The following CTNNA3 variants were observed in gnomAD, a reference collection of about 807,000 sequenced individuals.
CTNNA3 encodes catenin alpha-3.
In CTNNA3, 76 loss-of-function variants were observed where a neutral mutation model predicts 95.7. The observed-to-expected ratio is 0.79, with a 90% CI of 0.66 to 0.96. The LOEUF is 0.96. Ranked by LOEUF, CTNNA3 falls within the 40% of genes least tolerant of loss-of-function variation. The pLI is 0.00. For synonymous variants in CTNNA3, 431 were observed against 374.4 expected (o/e 1.15, Z -1.74); for missense variants, 1,191 against 1,089.8 (o/e 1.09, Z -1.31).
intron 13 of CTNNA3, among the ~76,000 whole-genome samples, chr10:66,134,304 A>G (rs1351187492): frequency 6.6e-6 from 1 of 152,168 alleles, no homozygotes; most frequent in Non-Finnish European, 1.5e-5. Flanking sequence ...CTGTGGAGAA[A>G]TAGCACTTTC....
intron 7 of CTNNA3, chr10:66,926,287 A>T: frequency 2.7e-6 from 1 of 374,108 alleles, no homozygotes. Context: ...CCCCCTCCCC[A>T]CCCCCCAAAA....
At chr10:66,933,410 T>C (rs143522070) in intron 7 of CTNNA3, among the ~76,000 whole-genome samples, 2 of 152,340 alleles carry the variant, frequency 1.3e-5, no homozygotes, top group African/African-American at 4.8e-5. Flanking sequence ...CAGGCAACTA[T>C]AGCAAGGGCT....
chr10:66,037,813 C>G lies in CTNNA3; in HGVS notation c.2159+31495G>C, dbSNP rs150256846. ...CGTGTTGTTACTGCTGCTAGAAAAG[C>G]TATTTCTCTAGTTTTCAGCTGGACT... is the stretch of plus-strand genomic sequence containing the variant. On this transcript the variant is annotated intron_variant, in intron 15 of 17. Coordinates refer to ENST00000433211, the MANE Select transcript of CTNNA3 (RefSeq NM_013266.4). Among the ~76,000 whole-genome samples, 248 of 152,246 alleles carry G rather than the reference C, an allele frequency of 1.6e-3. 1 individual carries two copies. Among genetic ancestry groups the G allele is most frequent in the African/African-American group, 5.5e-3 (229 of 41,548 alleles).
chr10:65,981,996 T>C (rs1311296268), intron 16 of CTNNA3, among the ~76,000 whole-genome samples: 8 of 151,772 alleles, frequency 5.3e-5, no homozygotes, highest in African/African-American at 1.9e-4. Context: ...GATAAATAGA[T>C]GGTACTTAAT....
Position 66,906,505 on chromosome 10 carries a change from A to C in CTNNA3, c.1048-130981T>G, listed in dbSNP as rs373429731. Among the ~76,000 whole-genome samples, 64 of 152,282 alleles carry C rather than the reference A, an allele frequency of 4.2e-4. 2 individuals are homozygous for C. In the South Asian group the frequency reaches 0.013, roughly 31 times the overall value. Reference sequence around the variant, plus strand: ...AAGTCTATCTTCAAAAGTATCTTCAAAGGTCCACTTCAGAGTGTCTTTTGG... The same window carrying C: ...AAGTCTATCTTCAAAAGTATCTTCACAGGTCCACTTCAGAGTGTCTTTTGG... On this transcript the variant is annotated intron_variant, in intron 7 of 17. Transcript: ENST00000433211.
chr10:66,118,943 C>G (rs978787859), intron 13 of CTNNA3, among the ~76,000 whole-genome samples: 8 of 152,048 alleles, frequency 5.3e-5, no homozygotes, highest in African/African-American at 1.9e-4. Context: ...CAGGGTCTCC[C>G]TATGTTGCTC....
At chr10:66,639,759 A>G (rs1228765999) in intron 9 of CTNNA3, among the ~76,000 whole-genome samples, 1 of 152,166 alleles carries the variant, frequency 6.6e-6, no homozygotes, top group Non-Finnish European at 1.5e-5. Context: ...TGTAACAAGA[A>G]TCATTCTAAT....
At chr10:67,605,472 A>G (rs1843237469) in intron 3 of CTNNA3, among the ~76,000 whole-genome samples, 2 of 152,284 alleles carry the variant, frequency 1.3e-5, no homozygotes, top group South Asian at 4.1e-4. Flanking sequence ...TATAGTTAAT[A>G]ATGCTGTATT....
chr10:67,271,040 A>G (rs1292586634), intron 5 of CTNNA3, among the ~76,000 whole-genome samples: 3 of 152,176 alleles, frequency 2.0e-5, no homozygotes, highest in Admixed American at 6.5e-5. Context: ...TGTAATTCCA[A>G]TATTATAAAA....
chr10:66,081,138 A>C (rs1350872563), intron 14 of CTNNA3, among the ~76,000 whole-genome samples: 2 of 152,172 alleles, frequency 1.3e-5, no homozygotes, highest in Non-Finnish European at 2.9e-5. Flanking sequence ...TGAACCTGAG[A>C]TCTAGGGCAA....
At chr10:66,160,243 T>A (rs937749450) in intron 13 of CTNNA3, among the ~76,000 whole-genome samples, 1 of 152,070 alleles carries the variant, frequency 6.6e-6, no homozygotes, top group African/African-American at 2.4e-5. Context: ...TGTTCTTGTT[T>A]CTCTAGTTCC....
At chr10:66,899,332 A>G (rs1268601823) in intron 7 of CTNNA3, among the ~76,000 whole-genome samples, 1 of 152,200 alleles carries the variant, frequency 6.6e-6, no homozygotes, top group African/African-American at 2.4e-5. Flanking sequence ...CAGAATTACC[A>G]CATGACCAAG....
intron 7 of CTNNA3, among the ~76,000 whole-genome samples, chr10:67,118,044 T>C (rs1441003461): frequency 6.6e-6 from 1 of 152,020 alleles, no homozygotes; most frequent in Non-Finnish European, 1.5e-5. Context: ...CAAGTTTTCT[T>C]AGCATGCTAA....
intron 1 of CTNNA3, among the ~76,000 whole-genome samples, chr10:67,736,707 GGCCTCCCAAAGTGCTGGGATTTGGGA>G (rs2133636832): frequency 6.6e-6 from 1 of 151,840 alleles, no homozygotes; most frequent in African/African-American, 2.4e-5. Flanking sequence ...CACCCACCTC[GGCCTCCCAAAGTGCTGGGATTTGGGA>G]GCCACCACAC....
chr10:66,655,320 G>A (rs1211207699), intron 9 of CTNNA3, among the ~76,000 whole-genome samples: 2 of 151,924 alleles, frequency 1.3e-5, no homozygotes, highest in Non-Finnish European at 2.9e-5. Context: ...TTTTTGAAAA[G>A]TAACATATAT....
intron 7 of CTNNA3, among the ~76,000 whole-genome samples, chr10:67,009,138 C>A (rs533385880): frequency 2.0e-4 from 30 of 152,126 alleles, no homozygotes; most frequent in Non-Finnish European, 2.9e-5. Flanking sequence ...TATTTATTAA[C>A]CTTACCGTGA....
At chr10:66,373,126 T>C (rs981656782) in intron 12 of CTNNA3, among the ~76,000 whole-genome samples, 1 of 152,152 alleles carries the variant, frequency 6.6e-6, no homozygotes, top group Admixed American at 6.6e-5. Flanking sequence ...AGTGTCACTT[T>C]AGATTACTCC....
chr10:66,480,768 T>C (rs1589309433), intron 11 of CTNNA3, among the ~76,000 whole-genome samples: 2 of 151,788 alleles, frequency 1.3e-5, no homozygotes, highest in Non-Finnish European at 2.9e-5. Context: ...CCATGCCCGG[T>C]TAATTTTTTG....
intron 5 of CTNNA3, among the ~76,000 whole-genome samples, chr10:67,466,632 C>A (rs760942758): frequency 1.3e-5 from 2 of 152,024 alleles, no homozygotes; most frequent in African/African-American, 4.8e-5. Flanking sequence ...ATATCCAAAG[C>A]GGGACAAAAT....
Sources: allele counts gnomAD v4.1 joint callset (sites outside exome capture counted in the v4.1 genomes callset), GRCh38; gene constraint gnomAD v4.1.1; transcripts MANE v1.5; gene names NCBI Gene and HGNC (gene_info 2026-07-23, HGNC 2026-07-21).